Variants in YEATS4 observed in about 807,000 individuals in gnomAD.
YEATS4 encodes YEATS domain-containing protein 4.
YEATS4 carries 17 observed loss-of-function variants against 30.1 expected under a neutral mutation model. The ratio of observed to expected loss-of-function variants is 0.56; its 90% CI spans 0.39 to 0.85. The LOEUF (loss-of-function observed/expected upper bound fraction) is 0.85, where lower values mean the gene tolerates loss of function less well. Among genes scored for constraint, YEATS4 ranks in the 40% least tolerant of loss-of-function variants. The pLI is 0.00. For missense variants in YEATS4, 142 were observed against 268.3 expected (o/e 0.53, Z 3.29); for synonymous variants, 85 against 87.5 (o/e 0.97, Z 0.16).
chr12:69,409,811 A>T, the YEATS4 span, among the ~76,000 whole-genome samples: 1 of 152,030 alleles, frequency 6.6e-6, no homozygotes, highest in South Asian at 2.1e-4. Flanking sequence ...ATATGTAATT[A>T]AAATTAGGTC....
At chr12:69,406,409 C>G in the YEATS4 span, among the ~76,000 whole-genome samples, 22 of 152,232 alleles carry the variant, frequency 1.4e-4, no homozygotes, top group Admixed American at 6.5e-5. Flanking sequence ...TTCACTGCAG[C>G]CTCCACCCCC....
intron 6 of YEATS4, among the ~76,000 whole-genome samples, chr12:69,382,564 C>T (rs1447830309): frequency 6.6e-6 from 1 of 152,204 alleles, no homozygotes; most frequent in East Asian, 1.9e-4. Flanking sequence ...GTGTTGAATA[C>T]TGCCAGGCCT....
the YEATS4 span, among the ~76,000 whole-genome samples, chr12:69,399,052 C>T: frequency 6.6e-6 from 1 of 150,564 alleles, no homozygotes; most frequent in Admixed American, 6.6e-5. Flanking sequence ...GATGCTGAGG[C>T]AGGAGAATGG....
chr12:69,360,148 C>A (rs1313674747), intron 1 of YEATS4, 125 bp downstream of exon 1: 9 of 1,120,328 alleles, frequency 8.0e-6, no homozygotes, highest in Non-Finnish European at 1.1e-5. Flanking sequence ...ACCGTGGTTT[C>A]AGGTTGGAGA....
chr12:69,362,679 C>A, intron 1 of YEATS4, 109 bp from the exon 2 acceptor site: 1 of 805,238 alleles, frequency 1.2e-6, no homozygotes, highest in Non-Finnish European at 1.8e-6. Flanking sequence ...TATAAGCAAA[C>A]TATAGATTGT....
chr12:69,367,559 G>A (rs1875485561), intron 4 of YEATS4, among the ~76,000 whole-genome samples: 1 of 151,994 alleles, frequency 6.6e-6, no homozygotes, highest in South Asian at 2.1e-4. Context: ...AGAGATAGGG[G>A]CTCGCCATGT....
chr12:69,368,304 A>C (rs1459519007), intron 4 of YEATS4, among the ~76,000 whole-genome samples: 3 of 152,216 alleles, frequency 2.0e-5, no homozygotes, highest in Non-Finnish European at 4.4e-5. Context: ...GGTTGTTTCT[A>C]AAAGCAAAAT....
At chr12:69,423,510 T>TACAA in the YEATS4 span, among the ~76,000 whole-genome samples, 1 of 152,168 alleles carries the variant, frequency 6.6e-6, no homozygotes, top group Non-Finnish European at 1.5e-5. Flanking sequence ...AGACAATCTA[T>TACAA]ACAAAGCACT....
intron 6 of YEATS4, among the ~76,000 whole-genome samples, chr12:69,379,785 G>T (rs1239599797): frequency 6.6e-6 from 1 of 151,524 alleles, no homozygotes; most frequent in African/African-American, 2.4e-5. Context: ...TTGTAGATGT[G>T]CTTCATTTTC....
Position 69,362,798 on chromosome 12 carries a change from T to C in YEATS4, c.62T>C (p.Ile21Thr). The change falls in exon 2 of 7, where the codon ATC (isoleucine) becomes ACC (threonine). Residue 21 changes from isoleucine to threonine, a missense_variant. Ile to Thr is a moderately conservative substitution (Grantham distance 89). This residue lies in a region of YEATS4 where 25 missense variants were observed against 35.7 expected (regional missense o/e 0.70). Transcript: ENST00000247843. ...TTATTTTTCTTTTAGGGTGTTACTATCGTTAAACCAATAGTTTACGGTAAT... is the reference window on the plus strand; with the variant it reads ...TTATTTTTCTTTTAGGGTGTTACTACCGTTAAACCAATAGTTTACGGTAAT... ...DSGGRVKGVT[I>T]VKPIVYGNVA... The C allele has an allele frequency of 6.2e-7, 1 of 1,605,156 alleles. No individual in the cohort carries two copies. The highest frequency in any genetic ancestry group is 8.5e-7 in the Non-Finnish European group (1 of 1,174,896).
chr12:69,417,446 C>T, the YEATS4 span, among the ~76,000 whole-genome samples: 1 of 152,038 alleles, frequency 6.6e-6, no homozygotes, highest in Non-Finnish European at 1.5e-5. Flanking sequence ...ACATGTGAGC[C>T]ACCACACCTG....
intron 6 of YEATS4, among the ~76,000 whole-genome samples, chr12:69,380,016 C>T (rs1299972585): frequency 6.6e-6 from 1 of 152,046 alleles, no homozygotes; most frequent in East Asian, 1.9e-4. Context: ...TCTTGAATTT[C>T]TTTTGAGTTT....
rs550859385 is a variant in YEATS4, at chr12:69,371,834, C to T, written c.514+859C>T. On this transcript the variant is annotated intron_variant, in intron 6 of 6. Coordinates refer to ENST00000247843, the MANE Select transcript of YEATS4 (RefSeq NM_006530.4). ...GGGGCAGGGAGCATCTTTGGTGGGA[C>T]GAGATGGTTGGAGTTTTAGATACTG... Among the ~76,000 whole-genome samples, 9 of 152,140 alleles carry T rather than the reference C, an allele frequency of 5.9e-5. No homozygotes were observed. In the East Asian group the frequency reaches 1.4e-3, roughly 23 times the overall value.
intron 6 of YEATS4, among the ~76,000 whole-genome samples, chr12:69,388,062 T>C (rs1392503269): frequency 2.2e-5 from 2 of 89,534 alleles, no homozygotes; most frequent in African/African-American, 1.3e-4. Context: ...TTTTTATTTT[T>C]ATTTTTTTTT....
intron 6 of YEATS4, 117 bp downstream of exon 6, chr12:69,371,092 T>G: frequency 1.1e-6 from 1 of 928,968 alleles, no homozygotes. Context: ...TTTTAGGTGT[T>G]AAAAAACACA....
chr12:69,415,204 T>G, the YEATS4 span, among the ~76,000 whole-genome samples: 5 of 152,098 alleles, frequency 3.3e-5, no homozygotes, highest in African/African-American at 4.8e-5. Context: ...CCCCTCTACT[T>G]AGTAGATCTA....
At chr12:69,416,681 T>C in the YEATS4 span, among the ~76,000 whole-genome samples, 1 of 152,234 alleles carries the variant, frequency 6.6e-6, no homozygotes, top group African/African-American at 2.4e-5. Context: ...ACAAGGCATC[T>C]ATGACAGGCT....
At chr12:69,401,324 T>A in the YEATS4 span, 1 of 152,238 alleles carries the variant, frequency 6.6e-6, no homozygotes. Context: ...AAACCAAATG[T>A]CTACCTATGT....
the YEATS4 span, among the ~76,000 whole-genome samples, chr12:69,397,449 T>G: frequency 6.6e-6 from 1 of 152,120 alleles, no homozygotes; most frequent in Non-Finnish European, 1.5e-5. Context: ...GGTAGTTGAA[T>G]CATGGGGGCT....
Sources: gnomAD v4.1 joint callset for allele counts (sites outside exome capture counted in the v4.1 genomes callset) on GRCh38, gnomAD v4.1.1 for gene constraint, gnomAD v4.1.1 regional missense constraint, MANE v1.5 for transcripts, NCBI Gene and HGNC (gene_info 2026-07-23, HGNC 2026-07-21) for gene names.